FGD1: variants seen among roughly 807,000 people sequenced by gnomAD.
FGD1 encodes the protein FYVE, RhoGEF and PH domain containing 1, also known as FYVE, RhoGEF and PH domain-containing protein 1.
FGD1 carries 12 observed loss-of-function variants against 65.0 expected under a neutral mutation model. That is an observed-to-expected ratio of 0.18 (90% CI 0.12 to 0.30). The LOEUF is 0.30. Ranked by LOEUF, FGD1 falls within the 10% of genes least tolerant of loss-of-function variation. The pLI, the probability that FGD1 is intolerant of heterozygous loss-of-function variation, is 1.00. For synonymous variants in FGD1, 333 were observed against 343.9 expected, an observed-to-expected ratio of 0.97 and a Z score of 0.35; for missense variants, 542 against 837.6, an observed-to-expected ratio of 0.65 and a Z score of 4.36.
At chrX:54,460,416 G>A (rs922633775) in intron 8 of FGD1, among the ~76,000 whole-genome samples, 1 of 108,335 alleles carries the variant, frequency 9.2e-6, no homozygotes, top group South Asian at 3.9e-4. Flanking sequence ...CTCCAGCCTG[G>A]CGAAAGAGCG....
At position 54,449,191 on chromosome X, in the gene FGD1, G is replaced by A; in HGVS notation, c.2226C>T (p.Pro742=). The change falls in exon 15 of 18, where the codon CCC becomes CCT. Residue 742 remains proline, a synonymous_variant. Transcript: ENST00000375135. ...EVTMCMRCQE[P]FNSITKRRHH... is the part of the protein sequence containing the mutation. ...GCCTGCGTTTGGTGATAGAATTGAA[G>A]GGCTCCTGGCAGCGCATGCACATGG... 2.5e-6 allele frequency: 3 copies of A among 1,212,038 alleles called. No individual in the cohort carries two copies. The highest frequency in any genetic ancestry group is 3.4e-6 in the Non-Finnish European group (3 of 895,479).
chrX:54,491,824 T>C (rs1159183642), intron 1 of FGD1, among the ~76,000 whole-genome samples: 1 of 110,764 alleles, frequency 9.0e-6, no homozygotes, highest in Admixed American at 9.7e-5. Flanking sequence ...CTAGAGTCTT[T>C]TCTAGCTCCA....
intron 16 of FGD1, among the ~76,000 whole-genome samples, chrX:54,447,655 T>C (rs1047017187): frequency 2.7e-5 from 3 of 112,734 alleles, no homozygotes; most frequent in African/African-American, 9.7e-5. Context: ...TCTGCCTCAT[T>C]TGGGCAACGG....
At chrX:54,464,503 A>T (rs1922718187) in intron 8 of FGD1, among the ~76,000 whole-genome samples, 1 of 111,741 alleles carries the variant, frequency 8.9e-6, no homozygotes, top group African/African-American at 3.3e-5. Context: ...CCTGAGATCA[A>T]GGACCTTGTC....
chrX:54,460,323 C>G (rs4826357), intron 8 of FGD1, among the ~76,000 whole-genome samples: 12,290 of 110,277 alleles, frequency 0.11, 728 homozygotes, highest in East Asian at 0.48. Context: ...GCCTGTAGTC[C>G]CAGCTACTTG....
At chrX:54,491,057 C>T (rs1923403723) in intron 1 of FGD1, among the ~76,000 whole-genome samples, 2 of 110,978 alleles carry the variant, frequency 1.8e-5, no homozygotes, top group Non-Finnish European at 3.8e-5. Context: ...ATAAACCCTT[C>T]GATGGTTTCT....
At chrX:54,471,957 T>A (rs1027583545) in intron 1 of FGD1, among the ~76,000 whole-genome samples, 5 of 112,004 alleles carry the variant, frequency 4.5e-5, no homozygotes, top group Non-Finnish European at 9.4e-5. Flanking sequence ...TGAAATTGTG[T>A]TTCATGAGCA....
At chrX:54,488,718 C>A (rs1169292823) in intron 1 of FGD1, among the ~76,000 whole-genome samples, 1 of 111,606 alleles carries the variant, frequency 9.0e-6, no homozygotes, top group Non-Finnish European at 1.9e-5. Context: ...ACCAATGGAA[C>A]AGAATAGAGA....
At chrX:54,447,192 A>G (rs771162860) in intron 17 of FGD1, 119 bp downstream of exon 17, 11 of 799,916 alleles carry the variant, frequency 1.4e-5, no homozygotes, top group Non-Finnish European at 2.0e-5. Context: ...ATTTCCTCTT[A>G]GAGATAGGCT....
At chrX:54,492,378 C>T (rs1305623427) in intron 1 of FGD1, among the ~76,000 whole-genome samples, 1 of 112,242 alleles carries the variant, frequency 8.9e-6, no homozygotes, top group East Asian at 2.8e-4. Flanking sequence ...GGGAGGAAGT[C>T]AGCAGGCACA....
chrX:54,446,721 C>CT (rs1226487472), intron 17 of FGD1, among the ~76,000 whole-genome samples: 1,636 of 87,631 alleles, frequency 0.019, 68 homozygotes, highest in African/African-American at 0.059. Flanking sequence ...TATCTGCATA[C>CT]TTTTTTTTTT....
intron 16 of FGD1, among the ~76,000 whole-genome samples, chrX:54,448,270 C>A (rs1237712854): frequency 2.7e-5 from 3 of 109,768 alleles, no homozygotes; most frequent in African/African-American, 1.0e-4. Context: ...ACCGCAACCT[C>A]TGCTTCCCAG....
intron 1 of FGD1, among the ~76,000 whole-genome samples, chrX:54,481,927 T>C (rs1923150223): frequency 9.1e-6 from 1 of 109,675 alleles, no homozygotes; most frequent in Admixed American, 9.8e-5. Flanking sequence ...ACCACAACCA[T>C]AGACCTATAG....
At chrX:54,452,695 G>A (rs1470726155) in intron 12 of FGD1, among the ~76,000 whole-genome samples, 7 of 110,754 alleles carry the variant, frequency 6.3e-5, no homozygotes, top group Non-Finnish European at 1.1e-4. Context: ...GCAGTGAGCC[G>A]AGATGGCGCC....
chrX:54,458,806 C>T (rs1179207559), intron 8 of FGD1, among the ~76,000 whole-genome samples: 2 of 111,608 alleles, frequency 1.8e-5, no homozygotes, highest in African/African-American at 6.5e-5. Context: ...TATACATCTG[C>T]ATCCATATTC....
chrX:54,447,999 G>A (rs149370811), intron 16 of FGD1, among the ~76,000 whole-genome samples: 1,232 of 111,377 alleles, frequency 0.011, 16 homozygotes, highest in African/African-American at 0.039. Context: ...TCTTTTAAGT[G>A]TTAAATAAAT....
chrX:54,471,419 G>A lies in FGD1; in HGVS notation c.376C>T (p.His126Tyr). The A allele has an allele frequency of 8.3e-7, 1 of 1,211,512 alleles. No homozygotes were observed. The highest frequency in any genetic ancestry group is 1.1e-6 in the Non-Finnish European group (1 of 895,371). Residue 126 changes from histidine to tyrosine, a missense_variant, in exon 2 of 18, where the codon CAT becomes TAT. Coordinates refer to ENST00000375135, the MANE Select transcript of FGD1 (RefSeq NM_004463.3). The part of the protein sequence containing the change: ...SLDPGQSLEP[H>Y]PEGPQRLRSD... ...CGAAGCCGCTGGGGACCTTCTGGAT[G>A]AGGCTCTAGGCTTTGGCCAGGGTCA...
chrX:54,484,497 A>G (rs112318222), intron 1 of FGD1, among the ~76,000 whole-genome samples: 12,218 of 111,018 alleles, frequency 0.11, 1,490 homozygotes, highest in African/African-American at 0.36. Flanking sequence ...CCTGTACCCT[A>G]TTTGCTCACC....
At chrX:54,476,285 A>G (rs1165764428) in intron 1 of FGD1, among the ~76,000 whole-genome samples, 1 of 108,954 alleles carries the variant, frequency 9.2e-6, no homozygotes, top group Non-Finnish European at 1.9e-5. Flanking sequence ...CCTCCTTCCT[A>G]GAAACCACAG....
Sources: gnomAD v4.1 joint callset for allele counts (sites outside exome capture counted in the v4.1 genomes callset) on GRCh38, gnomAD v4.1.1 for gene constraint, MANE v1.5 for transcripts, NCBI Gene and HGNC (gene_info 2026-07-23, HGNC 2026-07-21) for gene names.